Variants in SMIM35 observed in about 807,000 individuals in gnomAD.
SMIM35 encodes TMPRSS4 antisense RNA 1 (non-protein coding).
At chr11:118,068,297 G>A (rs113482001) in intron 1 of SMIM35, among the ~76,000 whole-genome samples, 6 of 151,840 alleles carry the variant, frequency 4.0e-5, no homozygotes, top group Non-Finnish European at 7.4e-5. Context: ...GCTCCTCCCC[G>A]TAAGCTCAAT....
At chr11:118,078,756 C>A (rs981832098) in intron 1 of SMIM35, among the ~76,000 whole-genome samples, 1 of 152,162 alleles carries the variant, frequency 6.6e-6, no homozygotes, top group African/African-American at 2.4e-5. Context: ...ACTGCAGAAT[C>A]AGAAGGCTGA....
intron 1 of SMIM35, among the ~76,000 whole-genome samples, chr11:118,053,533 T>G (rs182911379): frequency 4.1e-4 from 63 of 152,234 alleles, no homozygotes; most frequent in Admixed American, 9.8e-4. Context: ...CTTATTCAAC[T>G]CCTCCAAACA....
intron 1 of SMIM35, among the ~76,000 whole-genome samples, chr11:118,035,385 G>A (rs1376609621): frequency 2.6e-5 from 4 of 152,144 alleles, no homozygotes; most frequent in Admixed American, 2.6e-4. Flanking sequence ...TGTGTGCCAG[G>A]CCCTGTACTA....
At chr11:118,029,739 A>G (rs1301569979) in intron 1 of SMIM35, 3 of 457,406 alleles carry the variant, frequency 6.6e-6, no homozygotes, top group Non-Finnish European at 1.3e-5. Context: ...CAGAAACACC[A>G]GCACCAGACT....
intron 1 of SMIM35, among the ~76,000 whole-genome samples, chr11:118,020,571 T>A (rs1189891314): frequency 6.6e-6 from 1 of 152,224 alleles, no homozygotes. Context: ...ATATGTTTTA[T>A]AATTTGTCCC....
Position 118,083,078 on chromosome 11 carries a change from G to A in SMIM35, c.7+3673C>T, listed in dbSNP as rs539273442. ...CCTCTGCTGCGCCGCTGCGGGGCTC[G>A]GTCGAATCCCCCAGGGGTGCTCAGA... is the stretch of plus-strand genomic sequence containing the variant. On this transcript the variant is annotated intron_variant, in intron 1 of 4. Transcript: ENST00000689828. Among the ~76,000 whole-genome samples the A allele has an allele frequency of 1.1e-4, 17 of 152,086 alleles. No individual in the cohort carries two copies. The East Asian group carries it at 2.7e-3, about 24-fold the overall frequency.
chr11:118,051,624 G>A (rs1429985032), intron 1 of SMIM35, among the ~76,000 whole-genome samples: 2 of 152,078 alleles, frequency 1.3e-5, no homozygotes, highest in Non-Finnish European at 2.9e-5. Context: ...CCAAGAAGGG[G>A]GTAACGGTGA....
At chr11:118,043,278 ATTT>A (rs35669917) in intron 1 of SMIM35, among the ~76,000 whole-genome samples, 1 of 150,004 alleles carries the variant, frequency 6.7e-6, no homozygotes, top group Non-Finnish European at 1.5e-5. Context: ...TTGGTAAAAC[ATTT>A]TTTTTTTTTT....
At chr11:118,062,885 G>A (rs560793013) in intron 1 of SMIM35, among the ~76,000 whole-genome samples, 251 of 152,246 alleles carry the variant, frequency 1.6e-3, no homozygotes, top group African/African-American at 5.0e-3. Context: ...AGAGATAGGA[G>A]GTCAACACAT....
chr11:118,023,225 A>G (rs1384314584), intron 1 of SMIM35, among the ~76,000 whole-genome samples: 1 of 152,000 alleles, frequency 6.6e-6, no homozygotes, highest in Non-Finnish European at 1.5e-5. Flanking sequence ...AATCCTATTC[A>G]CTCATCAGTC....
intron 4 of SMIM35, 163 bp downstream of exon 4, chr11:118,013,585 A>G (rs2058160990): frequency 2.6e-6 from 1 of 380,572 alleles, no homozygotes; most frequent in Admixed American, 4.5e-5. Flanking sequence ...GGGTGGGGGA[A>G]AACATGACCC....
intron 1 of SMIM35, among the ~76,000 whole-genome samples, chr11:118,037,268 G>A (rs543390521): frequency 1.2e-4 from 19 of 152,332 alleles, no homozygotes; most frequent in Middle Eastern, 3.4e-3. Flanking sequence ...CTAGCAGGCC[G>A]GTCCAGGGGT....
chr11:118,070,002 A>C (rs1481704217), intron 1 of SMIM35, among the ~76,000 whole-genome samples: 1 of 152,118 alleles, frequency 6.6e-6, no homozygotes, highest in Admixed American at 6.5e-5. Flanking sequence ...CGGAGGTTGC[A>C]GTGAGTCGAG....
intron 1 of SMIM35, among the ~76,000 whole-genome samples, chr11:118,031,122 A>G (rs1320070413): frequency 3.9e-5 from 6 of 152,214 alleles, no homozygotes; most frequent in Non-Finnish European, 1.5e-5. Flanking sequence ...AAATACAAAA[A>G]GAGAGACACC....
At position 118,004,761 on chromosome 11, in the gene SMIM35, G is replaced by A. The variant is rs145302161; in HGVS notation, c.*1649C>T. 6.6e-6 allele frequency: 1 copy of A among 152,306 alleles called. No homozygotes were observed. Among genetic ancestry groups the A allele is most frequent in the African/African-American group, 2.4e-5 (1 of 41,556 alleles). The allele number at this position is 152,306 out of a possible 1,614,324, so 9.4% of individuals were successfully genotyped here. A position where few individuals can be genotyped will look rare whatever the true frequency, so the allele number is the denominator to read the frequency against. ...GGCTGCCATCCCTTCAACTCATCGA[G>A]TCACAGGAGCCACGGCTGTGTTTGG... On this transcript the variant is annotated 3_prime_UTR_variant, in exon 5 of 5. Coordinates refer to ENST00000689828, the MANE Select transcript of SMIM35 (RefSeq NM_001394165.1).
chr11:118,050,345 G>A (rs1944191068), intron 1 of SMIM35, among the ~76,000 whole-genome samples: 1 of 152,228 alleles, frequency 6.6e-6, no homozygotes, highest in Non-Finnish European at 1.5e-5. Flanking sequence ...AAGACGGGGT[G>A]CCAGCTGGGG....
At chr11:118,082,605 A>G (rs147354485) in intron 1 of SMIM35, among the ~76,000 whole-genome samples, 6 of 152,210 alleles carry the variant, frequency 3.9e-5, no homozygotes, top group African/African-American at 1.4e-4. Flanking sequence ...AAAGAGGTTC[A>G]TGACTTGAAA....
Position 118,005,320 on chromosome 11 carries a change from T to C in SMIM35, c.*1090A>G, listed in dbSNP as rs11216666. ...CTGAGTCACCTCTTTAAGGAACAACTTGTTGATTCGCTGCTTGTTCTATTA... is the reference window on the plus strand; with the variant it reads ...CTGAGTCACCTCTTTAAGGAACAACCTGTTGATTCGCTGCTTGTTCTATTA... On this transcript the variant is annotated 3_prime_UTR_variant, in exon 5 of 5. Transcript: ENST00000689828. The C allele has an allele frequency of 0.31, 46,825 of 152,060 alleles. 9,891 individuals carry two copies. Among genetic ancestry groups the C allele is most frequent in the African/African-American group, 0.6 (24,683 of 41,446 alleles). The allele number at this position is 152,060 out of a possible 1,614,324, so 9.4% of individuals were successfully genotyped here.
At chr11:118,054,152 T>G (rs144095778) in intron 1 of SMIM35, among the ~76,000 whole-genome samples, 42 of 134,596 alleles carry the variant, frequency 3.1e-4, no homozygotes, top group East Asian at 2.5e-3. Context: ...TGGGGGTTTT[T>G]GGGATTTTTT....
Sources: allele counts gnomAD v4.1 joint callset (sites outside exome capture counted in the v4.1 genomes callset), GRCh38; gene constraint gnomAD v4.1.1; transcripts MANE v1.5; gene names NCBI Gene and HGNC (gene_info 2026-07-23, HGNC 2026-07-21).